The following PGM5 variants were observed in gnomAD, a reference collection of about 807,000 sequenced individuals.
PGM5 encodes phosphoglucomutase-like protein 5.
In PGM5, 23 loss-of-function variants were observed where a neutral mutation model predicts 59.2. The observed-to-expected ratio is 0.39, with a 90% CI of 0.28 to 0.55. The LOEUF (loss-of-function observed/expected upper bound fraction) is 0.55. PGM5 is among the 20% of genes least tolerant of loss of function. PGM5 has a pLI of 0.66. For missense variants in PGM5, 574 were observed against 748.3 expected (o/e 0.77, Z 2.72); for synonymous variants, 214 against 286.0 (o/e 0.75, Z 2.54).
rs1473086527 is a variant in PGM5, at chr9:68,439,412, AAT to A, written c.1044-25673_1044-25672del. On this transcript the variant is annotated intron_variant, in intron 6 of 10. Transcript: ENST00000396396. Reference sequence around the variant, plus strand: ...CTTTATAAGTCTGCTTATATATATAAATATATATAATATAATATATAAATATA... The same window carrying A: ...CTTTATAAGTCTGCTTATATATATAAATATATAATATAATATATAAATATA... Among the ~76,000 whole-genome samples, 7 of 146,376 alleles carry A rather than the reference AAT, an allele frequency of 4.8e-5. No individual in the cohort carries two copies. The East Asian group carries it at 1.4e-3, about 29-fold the overall frequency.
Position 68,406,873 on chromosome 9 carries a change from A to T in PGM5, c.1043+14400A>T, listed in dbSNP as rs562979280. On this transcript the variant is annotated intron_variant, in intron 6 of 10. Transcript: ENST00000396396. ...AGTCTCCCGTGCTTCCACATTAAGG[A>T]CTAAATGTTGGCCAGTGGCTGTGCT... 7.6e-3 allele frequency among the ~76,000 whole-genome samples: 1,139 copies of T among 150,622 alleles called. 11 individuals are homozygous for T. The highest frequency in any genetic ancestry group is 0.013 in the Non-Finnish European group (870 of 67,548).
chr9:68,486,790 A>G (rs1824303822), intron 9 of PGM5, among the ~76,000 whole-genome samples: 1 of 152,216 alleles, frequency 6.6e-6, no homozygotes, highest in East Asian at 1.9e-4. Flanking sequence ...GTACATACTT[A>G]GGAGCGGAAT....
At chr9:68,489,319 A>C (rs1184918257) in intron 9 of PGM5, among the ~76,000 whole-genome samples, 1 of 152,162 alleles carries the variant, frequency 6.6e-6, no homozygotes, top group Non-Finnish European at 1.5e-5. Context: ...TCAATCCAGA[A>C]CCATGACCTA....
rs1373175116 is a variant in PGM5, at chr9:68,360,929, TA to T, written c.261+3542del. ...CCTCAATTATTATGAAATGTCCTTT[TA>T]TTTTTTGAGACAAAGTCTTGCTCTT... On this transcript the variant is annotated intron_variant, in intron 1 of 10. Coordinates refer to ENST00000396396, the MANE Select transcript of PGM5 (RefSeq NM_021965.4). Among the ~76,000 whole-genome samples the T allele has an allele frequency of 4.6e-5, 7 of 152,334 alleles. No homozygotes were observed. The South Asian group carries it at 6.2e-4, about 14-fold the overall frequency.
chr9:68,423,665 C>G (rs76974360), intron 6 of PGM5, among the ~76,000 whole-genome samples: 48 of 95,926 alleles, frequency 5.0e-4, no homozygotes, highest in Non-Finnish European at 9.3e-4. Flanking sequence ...GTCTCTCTCT[C>G]TCTCTCTCTC....
rs537707892 is a variant in PGM5 at position 68,482,847 on chromosome 9, A to G, written c.1296-1018A>G. Among the ~76,000 whole-genome samples the G allele has an allele frequency of 2.6e-5, 4 of 152,384 alleles. No individual in the cohort carries two copies. The East Asian group carries it at 7.7e-4, about 29-fold the overall frequency. On this transcript the variant is annotated intron_variant, in intron 8 of 10. Coordinates refer to ENST00000396396, the MANE Select transcript of PGM5 (RefSeq NM_021965.4). ...GCCTGGCACTGTGCCAACTCTTGGT[A>G]TACATCATCATATTTTAAACCCCAC... is the stretch of plus-strand genomic sequence containing the variant.
intron 6 of PGM5, among the ~76,000 whole-genome samples, chr9:68,440,149 A>G (rs1206018091): frequency 6.6e-6 from 1 of 152,246 alleles, no homozygotes; most frequent in Non-Finnish European, 1.5e-5. Flanking sequence ...GTCTTCTGTG[A>G]GAAACTGACA....
At chr9:68,513,945 T>C (rs560761866) in intron 10 of PGM5, among the ~76,000 whole-genome samples, 1 of 152,358 alleles carries the variant, frequency 6.6e-6, no homozygotes, top group Non-Finnish European at 1.5e-5. Flanking sequence ...TTCACTTTCC[T>C]TTTAATGGAT....
In PGM5 at chr9:68,473,899, C is replaced by A. The variant is rs116068445; in HGVS notation, c.1160-5519C>A. Among the ~76,000 whole-genome samples, 1,255 of 152,146 alleles carry A rather than the reference C, an allele frequency of 8.2e-3. 11 individuals are homozygous for A. The highest frequency in any genetic ancestry group is 0.029 in the African/African-American group (1,211 of 41,506). ...TCCAGTGAGAACCCCCCCATGTGAG[C>A]AAGGCCAGGGCCGTGAATTAAATGA... On this transcript the variant is annotated intron_variant, in intron 7 of 10. Transcript: ENST00000396396.
intron 10 of PGM5, among the ~76,000 whole-genome samples, chr9:68,499,722 T>C (rs949603613): frequency 2.0e-5 from 3 of 152,210 alleles, no homozygotes; most frequent in East Asian, 3.8e-4. Flanking sequence ...ACTACGCTTA[T>C]GTAACTTTTG....
chr9:68,527,005 T>C (rs189360170), intron 10 of PGM5, among the ~76,000 whole-genome samples: 53 of 152,336 alleles, frequency 3.5e-4, no homozygotes, highest in African/African-American at 1.2e-3. Flanking sequence ...GTGAGCATAT[T>C]AGAAAGTGAT....
chr9:68,493,839 C>T (rs1824439609), intron 9 of PGM5, among the ~76,000 whole-genome samples: 1 of 152,192 alleles, frequency 6.6e-6, no homozygotes, highest in Non-Finnish European at 1.5e-5. Flanking sequence ...AGAGATGCTA[C>T]AGTGATAACT....
intron 10 of PGM5, among the ~76,000 whole-genome samples, chr9:68,526,064 A>G (rs775225395): frequency 7.9e-5 from 12 of 151,570 alleles, no homozygotes; most frequent in Admixed American, 6.5e-5. Context: ...TCAAAAAAAA[A>G]AAAGAAAGAA....
At chr9:68,420,541 T>A (rs1288813275) in intron 6 of PGM5, among the ~76,000 whole-genome samples, 1 of 152,224 alleles carries the variant, frequency 6.6e-6, no homozygotes, top group Non-Finnish European at 1.5e-5. Flanking sequence ...TGTCACGTAC[T>A]ATACAAATGA....
At chr9:68,508,456 G>T (rs1824692149) in intron 10 of PGM5, among the ~76,000 whole-genome samples, 1 of 152,162 alleles carries the variant, frequency 6.6e-6, no homozygotes. Flanking sequence ...AAAATGTTTT[G>T]ATTTTTTTCC....
In PGM5 at chr9:68,439,107, A is replaced by C. The variant is rs916959441; in HGVS notation, c.1044-25986A>C. Among the ~76,000 whole-genome samples, 8 of 152,062 alleles carry C rather than the reference A, an allele frequency of 5.3e-5. No individual in the cohort carries two copies. The East Asian group carries it at 1.3e-3, about 26-fold the overall frequency. Reference sequence around the variant, plus strand: ...ACTGAGCATGGTGGCTCATGCCTGAAGTCCCAACACTTTGGGAGGCTGATG... The same window carrying C: ...ACTGAGCATGGTGGCTCATGCCTGACGTCCCAACACTTTGGGAGGCTGATG... On this transcript the variant is annotated intron_variant, in intron 6 of 10. Coordinates refer to ENST00000396396, the MANE Select transcript of PGM5 (RefSeq NM_021965.4).
intron 6 of PGM5, among the ~76,000 whole-genome samples, chr9:68,425,256 T>G (rs1554682618): frequency 6.6e-6 from 1 of 152,178 alleles, no homozygotes; most frequent in Non-Finnish European, 1.5e-5. Flanking sequence ...GGCAACTCAC[T>G]TGATGACATG....
intron 1 of PGM5, among the ~76,000 whole-genome samples, chr9:68,360,136 A>G (rs568453418): frequency 6.6e-6 from 1 of 152,276 alleles, no homozygotes; most frequent in East Asian, 1.9e-4. Flanking sequence ...CCCAGCCTAC[A>G]AAGCAATGTT....
At chr9:68,418,819 C>T (rs1185631245) in intron 6 of PGM5, among the ~76,000 whole-genome samples, 3 of 152,060 alleles carry the variant, frequency 2.0e-5, no homozygotes, top group African/African-American at 4.8e-5. Context: ...GCCTAAACCC[C>T]CTCTAGCACC....
Sources: allele counts gnomAD v4.1 joint callset (sites outside exome capture counted in the v4.1 genomes callset), GRCh38; gene constraint gnomAD v4.1.1; transcripts MANE v1.5; gene names NCBI Gene and HGNC (gene_info 2026-07-23, HGNC 2026-07-21).